The following ZNF585B variants were observed in gnomAD, a reference collection of about 807,000 sequenced individuals.
The protein encoded by ZNF585B is zinc finger protein 585B.
In ZNF585B, 7 loss-of-function variants were observed where a neutral mutation model predicts 14.0. The ratio of observed to expected loss-of-function variants is 0.50; its 90% confidence interval spans 0.28 to 0.94. The LOEUF (loss-of-function observed/expected upper bound fraction) is 0.94, where lower values mean the gene tolerates loss of function less well. Ranked by LOEUF, ZNF585B falls within the 40% of genes least tolerant of loss-of-function variation. ZNF585B has a pLI of 0.09. For synonymous variants in ZNF585B, 290 were observed against 317.3 expected (o/e 0.91, Z 0.91); for missense variants, 750 against 924.4 (o/e 0.81, Z 2.45).
rs986273872 is a variant in ZNF585B, at chr19:37,182,174, G to A, written c.*3053C>T. On this transcript the variant is annotated 3_prime_UTR_variant, in exon 5 of 5. Transcript: ENST00000532828. ...CTAAAAACTAGTCTTTTATATAAAT[G>A]GGCATACATATACATATATATGTCA... is the stretch of plus-strand genomic sequence containing the variant. 20 of 152,166 alleles carry A rather than the reference G, an allele frequency of 1.3e-4. No homozygotes were observed. The highest frequency in any genetic ancestry group is 2.4e-4 in the Non-Finnish European group (16 of 68,002). The allele number at this position is 152,166 out of a possible 1,614,324, so 9.4% of individuals were successfully genotyped here.
Position 37,187,220 on chromosome 19 carries a change from T to C in ZNF585B, c.317A>G (p.Gln106Arg), listed in dbSNP as rs952133843. The change falls in exon 5 of 5, where the codon CAA becomes CGA. Residue 106 changes from glutamine to arginine, a missense_variant. Gln to Arg is a conservative substitution (Grantham distance 43). Coordinates refer to ENST00000532828, the MANE Select transcript of ZNF585B (RefSeq NM_152279.4). The stretch of plus-strand genomic sequence containing the variant: ...TTTATAACCGATGATTTTTCTATGT[T>C]GATTATGGTCCCATAATTTCTCTCC... The part of the protein sequence containing the change: ...CPGEKLWDHN[Q>R]HRKIIGYKPA... 6.2e-7 allele frequency: 1 copy of C among 1,609,476 alleles called. No individual in the cohort carries two copies. The highest frequency in any genetic ancestry group is 8.5e-7 in the Non-Finnish European group (1 of 1,178,546).
intron 2 of ZNF585B, among the ~76,000 whole-genome samples, chr19:37,192,282 C>T (rs1972409957): frequency 6.6e-6 from 1 of 152,038 alleles, no homozygotes; most frequent in South Asian, 2.1e-4. Context: ...CTGAGACACC[C>T]TGAGGGCTAA....
At chr19:37,199,336 G>A in intron 2 of ZNF585B, 2 of 350,134 alleles carry the variant, frequency 5.7e-6, no homozygotes, top group Non-Finnish European at 1.1e-5. Context: ...AGACAAGCCT[G>A]GGTAACATGG....
At chr19:37,195,071 C>T (rs1183229609) in intron 2 of ZNF585B, among the ~76,000 whole-genome samples, 1 of 151,914 alleles carries the variant, frequency 6.6e-6, no homozygotes, top group Non-Finnish European at 1.5e-5. Context: ...CCTGGCCGGG[C>T]ATGATGGCTC....
chr19:37,193,077 G>C (rs1972420488), intron 2 of ZNF585B, among the ~76,000 whole-genome samples: 1 of 152,092 alleles, frequency 6.6e-6, no homozygotes, highest in Non-Finnish European at 1.5e-5. Flanking sequence ...AGAGGTTGCA[G>C]TGAGCCGAGA....
At chr19:37,197,001 T>C (rs1325513544) in intron 2 of ZNF585B, among the ~76,000 whole-genome samples, 1 of 152,158 alleles carries the variant, frequency 6.6e-6, no homozygotes, top group Non-Finnish European at 1.5e-5. Context: ...TTTATTATAC[T>C]TTAAGTTCTA....
chr19:37,209,382 C>T lies in ZNF585B; in HGVS notation c.-144+1059G>A, dbSNP rs145228702. ...CCACCCAAAGTGCTGGGATTACAGG[C>T]GTGAGCCACCAGGCCCGGTCAGTCA... On this transcript the variant is annotated intron_variant, in intron 1 of 4. Transcript: ENST00000532828. Among the ~76,000 whole-genome samples, 374 of 152,054 alleles carry T rather than the reference C, an allele frequency of 2.5e-3. 4 individuals are homozygous for T. Among genetic ancestry groups the T allele is most frequent in the African/African-American group, 7.6e-3 (315 of 41,466 alleles).
At chr19:37,189,243 A>T (rs1309509803) in intron 4 of ZNF585B, among the ~76,000 whole-genome samples, 1 of 152,106 alleles carries the variant, frequency 6.6e-6, no homozygotes, top group Non-Finnish European at 1.5e-5. Context: ...TGGCCCAGAG[A>T]TAAAGTTCTG....
intron 2 of ZNF585B, chr19:37,199,176 A>C (rs77445770): frequency 2.0e-4 from 100 of 507,888 alleles, no homozygotes; most frequent in African/African-American, 1.8e-3. Flanking sequence ...TAGGAACACG[A>C]GATGTCATGT....
chr19:37,198,235 G>T (rs1464063942), intron 2 of ZNF585B, among the ~76,000 whole-genome samples: 1 of 151,984 alleles, frequency 6.6e-6, no homozygotes, highest in East Asian at 2.0e-4. Context: ...GTAATGGCGT[G>T]ATCTTGGCTT....
rs868324990 is a variant in ZNF585B at position 37,186,978 on chromosome 19, T to C, written c.559A>G (p.Lys187Glu). 6.2e-7 allele frequency: 1 copy of C among 1,614,056 alleles called. No homozygotes were observed. The highest frequency in any genetic ancestry group is 8.5e-7 in the Non-Finnish European group (1 of 1,179,986). Residue 187 changes from lysine to glutamate, a missense_variant, in exon 5 of 5, where the codon AAG (lysine) becomes GAG (glutamate). Coordinates refer to ENST00000532828, the MANE Select transcript of ZNF585B (RefSeq NM_152279.4). ...QKTHMREKPY[K>E]CNECGKSFFQ... ...AAGGATTTTCCACATTCATTGCACT[T>C]ATAGGGCTTCTCTCTCATATGGGTT...
rs2145427216 is a variant in ZNF585B, at chr19:37,183,442, A to C, written c.*1785T>G. On this transcript the variant is annotated 3_prime_UTR_variant, in exon 5 of 5. Transcript: ENST00000532828. ...CATGGGTCTAGACTCATAGTGGTGA[A>C]CAAAAGGGAAATATTTTCTAGTGTA... 6.6e-6 allele frequency: 1 copy of C among 152,326 alleles called. No individual in the cohort carries two copies. The highest frequency in any genetic ancestry group is 1.5e-5 in the Non-Finnish European group (1 of 68,042). The allele number at this position is 152,326 out of a possible 1,614,324, so 9.4% of individuals were successfully genotyped here.
At chr19:37,198,565 A>G (rs1972495088) in intron 2 of ZNF585B, among the ~76,000 whole-genome samples, 1 of 151,812 alleles carries the variant, frequency 6.6e-6, no homozygotes, top group Non-Finnish European at 1.5e-5. Context: ...GAGAAACCCC[A>G]ACTCTACTAA....
In ZNF585B at chr19:37,186,682, C is replaced by A; in HGVS notation, c.855G>T (p.Leu285Phe). ...CGQAFIQKTQ[L>F]IAHRRIHSGE... ...CACTATGAATTCTTCGGTGTGCAAT[C>A]AATTGTGTTTTCTGGATGAAGGCCT... The change falls in exon 5 of 5, where the codon TTG becomes TTT. Residue 285 changes from leucine to phenylalanine, a missense_variant. Physicochemically the swap from Leu to Phe is conservative, Grantham distance 22 (BLOSUM62 0). This residue lies in a region of ZNF585B where 517 missense variants were observed against 570.3 expected (regional missense o/e 0.91). Coordinates refer to ENST00000532828, the MANE Select transcript of ZNF585B (RefSeq NM_152279.4). 1.2e-6 allele frequency: 2 copies of A among 1,614,144 alleles called. No individual in the cohort carries two copies. The highest frequency in any genetic ancestry group is 1.7e-6 in the Non-Finnish European group (2 of 1,180,028).
In ZNF585B at chr19:37,207,265, A is replaced by C. The variant is rs947232006; in HGVS notation, c.-143-11T>G. The C allele has an allele frequency of 6.9e-7, 1 of 1,452,878 alleles. No individual in the cohort carries two copies. The highest frequency in any genetic ancestry group is 2.5e-5 in the East Asian group (1 of 40,052). 90.0% of individuals were successfully genotyped at this position (1,452,878 alleles called of 1,614,324 possible). On this transcript the variant is annotated splice_polypyrimidine_tract_variant and intron_variant, in intron 1 of 4. Transcript: ENST00000532828. ...GAGACACCCAAGAACCTAGAAAAACAATGTCCACGTAGTCATTCAACATTC... is the reference window on the plus strand; with the variant it reads ...GAGACACCCAAGAACCTAGAAAAACCATGTCCACGTAGTCATTCAACATTC...
rs1349693667 is a variant in ZNF585B, at chr19:37,182,993, G to C, written c.*2234C>G. 1 of 152,320 alleles carries C rather than the reference G, an allele frequency of 6.6e-6. No individual in the cohort carries two copies. Among genetic ancestry groups the C allele is most frequent in the Non-Finnish European group, 1.5e-5 (1 of 68,134 alleles). 9.4% of individuals were successfully genotyped at this position (152,320 alleles called of 1,614,324 possible). On this transcript the variant is annotated 3_prime_UTR_variant, in exon 5 of 5. Coordinates refer to ENST00000532828, the MANE Select transcript of ZNF585B (RefSeq NM_152279.4). ...CACTCCTCTCGGGGCAGGATGAGCAGGTGTGTGGATTGGGTTCTGGAGTAA... is the reference window on the plus strand; with the variant it reads ...CACTCCTCTCGGGGCAGGATGAGCACGTGTGTGGATTGGGTTCTGGAGTAA...
Position 37,187,119 on chromosome 19 carries a change from T to G in ZNF585B, c.418A>C (p.Thr140Pro). The G allele has an allele frequency of 6.2e-7, 1 of 1,614,112 alleles. No individual in the cohort carries two copies. Among genetic ancestry groups the G allele is most frequent in the Non-Finnish European group, 8.5e-7 (1 of 1,180,022 alleles). Residue 140 changes from threonine (T) to proline (P), a missense_variant, in exon 5 of 5, where the codon ACC becomes CCC. This residue lies in a region of ZNF585B where 517 missense variants were observed against 570.3 expected (regional missense o/e 0.91). Coordinates refer to ENST00000532828, the MANE Select transcript of ZNF585B (RefSeq NM_152279.4). ...TGTACCTTGAACTGTGACTTCCAGG[T>G]GAAGCTCTTTCCAAATTCAGCACAC... Reference protein sequence around the residue: ...YECAEFGKSFTWKSQFKVHLK... With the variant: ...YECAEFGKSFPWKSQFKVHLK...
intron 2 of ZNF585B, among the ~76,000 whole-genome samples, chr19:37,195,270 C>T (rs1264045935): frequency 2.2e-5 from 3 of 136,212 alleles, no homozygotes; most frequent in African/African-American, 5.5e-5. Flanking sequence ...CACTGGAACC[C>T]GGGAGGAGGA....
In ZNF585B at chr19:37,187,256, C is replaced by A; in HGVS notation, c.293-12G>T. On this transcript the variant is annotated splice_polypyrimidine_tract_variant and intron_variant, in intron 4 of 4. Coordinates refer to ENST00000532828, the MANE Select transcript of ZNF585B (RefSeq NM_152279.4). ...CCATAATTTCTCTCCTGTTGGAGTA[C>A]ATTCACAGTAAGTATAGAAAGACAT... 1 of 1,564,058 alleles carries A rather than the reference C, an allele frequency of 6.4e-7. No homozygotes were observed. The highest frequency in any genetic ancestry group is 1.4e-5 in the African/African-American group (1 of 73,222).
Sources: gnomAD v4.1 joint callset for allele counts (sites outside exome capture counted in the v4.1 genomes callset) on GRCh38, gnomAD v4.1.1 for gene constraint, gnomAD v4.1.1 regional missense constraint, MANE v1.5 for transcripts, NCBI Gene and HGNC (gene_info 2026-07-23, HGNC 2026-07-21) for gene names.